Variants in TMPRSS15 observed in about 807,000 individuals in gnomAD.
The protein encoded by TMPRSS15 is transmembrane serine protease 15, also known as enteropeptidase.
Under a neutral mutation model 125.3 loss-of-function variants are expected in TMPRSS15, and 128 were observed. That is an observed-to-expected ratio of 1.02 (90% CI 0.89 to 1.18). TMPRSS15 has a LOEUF of 1.18. Among genes scored for constraint, TMPRSS15 ranks in the 50% most tolerant of loss-of-function variants. The pLI is 0.00. For missense variants in TMPRSS15, 1,283 were observed against 1,212.7 expected (o/e 1.06, Z -0.86); for synonymous variants, 446 against 423.2 (o/e 1.05, Z -0.66).
At chr21:18,367,581 G>C (rs1373095052) in intron 6 of TMPRSS15, among the ~76,000 whole-genome samples, 1 of 152,136 alleles carries the variant, frequency 6.6e-6, no homozygotes. Flanking sequence ...CTCAAAGATT[G>C]TAGACAGTGT....
At chr21:18,355,510 C>T (rs1427176642) in intron 8 of TMPRSS15, among the ~76,000 whole-genome samples, 4 of 151,760 alleles carry the variant, frequency 2.6e-5, no homozygotes, top group Non-Finnish European at 4.4e-5. Context: ...CTTAAAGTCT[C>T]CTTGCCTAAT....
chr21:18,348,765 A>T (rs538607927), intron 10 of TMPRSS15, among the ~76,000 whole-genome samples: 1 of 152,216 alleles, frequency 6.6e-6, no homozygotes, highest in Admixed American at 6.5e-5. Flanking sequence ...CCTCCCCAAC[A>T]TATGACTTAG....
At chr21:18,321,609 C>T (rs1300640686) in intron 16 of TMPRSS15, among the ~76,000 whole-genome samples, 1 of 152,114 alleles carries the variant, frequency 6.6e-6, no homozygotes, top group Non-Finnish European at 1.5e-5. Context: ...CCTTGGCCTC[C>T]CAAAGTGCTG....
chr21:18,276,436 A>G lies in TMPRSS15; in HGVS notation c.2765-1100T>C, dbSNP rs142152748. Among the ~76,000 whole-genome samples the G allele has an allele frequency of 1.3e-5, 2 of 152,376 alleles. No homozygotes were observed. The highest frequency in any genetic ancestry group is 2.9e-5 in the Non-Finnish European group (2 of 68,040). On this transcript the variant is annotated intron_variant, in intron 23 of 24. Coordinates refer to ENST00000284885, the MANE Select transcript of TMPRSS15 (RefSeq NM_002772.3). The stretch of plus-strand genomic sequence containing the variant: ...TCAAGTTTGACAATGGACTATAAGA[A>G]AATGAATTGCAGAGATTAAAATGGA...
chr21:18,277,013 G>A lies in TMPRSS15; in HGVS notation c.2765-1677C>T, dbSNP rs553931825. Among the ~76,000 whole-genome samples, 45 of 151,910 alleles carry A rather than the reference G, an allele frequency of 3.0e-4. 1 individual carries two copies. The highest frequency in any genetic ancestry group is 5.3e-4 in the Admixed American group (8 of 15,238). On this transcript the variant is annotated intron_variant, in intron 23 of 24. Coordinates refer to ENST00000284885, the MANE Select transcript of TMPRSS15 (RefSeq NM_002772.3). ...ACTCCTGACCTCAGGTGATCTGCCC[G>A]GCTCAGCCTCCCAAAGTGTTGGGTT...
intron 10 of TMPRSS15, 121 bp from the exon 11 acceptor site, chr21:18,344,181 A>G: frequency 2.4e-6 from 2 of 849,166 alleles, no homozygotes; most frequent in Non-Finnish European, 3.9e-6. Flanking sequence ...ATATATTTTA[A>G]TATAGTGGAC....
Position 18,343,671 on chromosome 21 carries a change from A to C in TMPRSS15, c.1278-15T>G. 2 of 1,612,200 alleles carry C rather than the reference A, an allele frequency of 1.2e-6. No homozygotes were observed. The highest frequency in any genetic ancestry group is 8.5e-7 in the Non-Finnish European group (1 of 1,178,684). ...ACATATGATACCTAGTTTGGAAAGA[A>C]GCAAAAATGTTTGGATTCCTACAAC... On this transcript the variant is annotated splice_polypyrimidine_tract_variant and intron_variant, in intron 11 of 24. Coordinates refer to ENST00000284885, the MANE Select transcript of TMPRSS15 (RefSeq NM_002772.3).
At chr21:18,305,180 G>A (rs11909148) in intron 18 of TMPRSS15, among the ~76,000 whole-genome samples, 107,830 of 139,016 alleles carry the variant, frequency 0.78, 41,925 homozygotes, top group African/African-American at 0.8. Flanking sequence ...TTGAATTTCC[G>A]TACTTTTTTT....
chr21:18,289,186 A>T (rs190716512), intron 21 of TMPRSS15, among the ~76,000 whole-genome samples: 4 of 152,290 alleles, frequency 2.6e-5, no homozygotes, highest in Non-Finnish European at 4.4e-5. Context: ...AAGTTTTATT[A>T]GTTATATCAG....
Position 18,305,183 on chromosome 21 carries a change from C to CTTTTTTTTT in TMPRSS15, c.2166-7363_2166-7355dup, listed in dbSNP as rs59103494. On this transcript the variant is annotated intron_variant, in intron 18 of 24. Coordinates refer to ENST00000284885, the MANE Select transcript of TMPRSS15 (RefSeq NM_002772.3). ...GGATTCCAGGATTTGAATTTCCGTA[C>CTTTTTTTTT]TTTTTTTTTTTTTTTTTTTTTTTGA... Among the ~76,000 whole-genome samples the CTTTTTTTTT allele has an allele frequency of 6.3e-4, 54 of 86,048 alleles. 2 individuals are homozygous for CTTTTTTTTT. Among genetic ancestry groups the CTTTTTTTTT allele is most frequent in the African/African-American group, 1.0e-3 (23 of 22,582 alleles). The allele number at this position is 86,048 out of a possible 152,430, so 56.5% of individuals were successfully genotyped here.
chr21:18,387,188 G>A (rs989123131), intron 3 of TMPRSS15, among the ~76,000 whole-genome samples: 1 of 152,056 alleles, frequency 6.6e-6, no homozygotes, highest in African/African-American at 2.4e-5. Flanking sequence ...AAGCTGTTTA[G>A]TTGTTTAGTA....
chr21:18,475,252 T>C (rs1978858252), intron 1 of TMPRSS15, among the ~76,000 whole-genome samples: 1 of 152,114 alleles, frequency 6.6e-6, no homozygotes. Flanking sequence ...AAAACTGATA[T>C]AAAGATTGAG....
At chr21:18,354,934 A>G (rs1293656637) in intron 8 of TMPRSS15, among the ~76,000 whole-genome samples, 2 of 151,794 alleles carry the variant, frequency 1.3e-5, no homozygotes, top group South Asian at 2.1e-4. Flanking sequence ...GAACTATTAG[A>G]TATCTTGTGA....
intron 7 of TMPRSS15, 42 bp downstream of exon 7, chr21:18,365,098 G>T (rs755135369): frequency 3.9e-6 from 6 of 1,530,598 alleles, no homozygotes; most frequent in Non-Finnish European, 5.4e-6. Flanking sequence ...TCAGAAAAAC[G>T]CTTTATGACT....
chr21:18,365,283 C>G, intron 6 of TMPRSS15, 35 bp from the exon 7 acceptor site: 3 of 1,532,554 alleles, frequency 2.0e-6, no homozygotes, highest in Non-Finnish European at 2.7e-6. Context: ...TAGACAAAAA[C>G]AATCTTGGGA....
intron 8 of TMPRSS15, among the ~76,000 whole-genome samples, chr21:18,358,346 A>G (rs2075645738): frequency 1.3e-5 from 2 of 151,904 alleles, no homozygotes; most frequent in Non-Finnish European, 2.9e-5. Flanking sequence ...AAGTGCTGAC[A>G]ACACTCCTTT....
intron 18 of TMPRSS15, 88 bp downstream of exon 18, chr21:18,312,857 T>C: frequency 1.3e-6 from 2 of 1,518,550 alleles, no homozygotes; most frequent in Non-Finnish European, 1.8e-6. Context: ...CATAACTTTA[T>C]AAATTTTAAA....
rs960333879 is a variant in TMPRSS15 at position 18,297,980 on chromosome 21, G to A, written c.2166-151C>T. The A allele has an allele frequency of 8.2e-6, 5 of 612,558 alleles. No individual in the cohort carries two copies. In the Admixed American group the frequency reaches 1.4e-4, roughly 17 times the overall value. 37.9% of individuals were successfully genotyped at this position (612,558 alleles called of 1,614,324 possible). A position where few individuals can be genotyped will look rare whatever the true frequency, so the allele number is the denominator to read the frequency against. On this transcript the variant is annotated intron_variant, in intron 18 of 24. Transcript: ENST00000284885. The stretch of plus-strand genomic sequence containing the variant: ...AACGTTTTAATATAAAACTTCATGT[G>A]TTTTCCTATCTAAAGGATGATGCAA...
chr21:18,286,145 C>T (rs573278895), intron 21 of TMPRSS15, among the ~76,000 whole-genome samples: 1 of 152,252 alleles, frequency 6.6e-6, no homozygotes, highest in Non-Finnish European at 1.5e-5. Context: ...TCACCATGCA[C>T]TTGTGATTTT....
Sources: allele counts gnomAD v4.1 joint callset (sites outside exome capture counted in the v4.1 genomes callset), GRCh38; gene constraint gnomAD v4.1.1; transcripts MANE v1.5; gene names NCBI Gene and HGNC (gene_info 2026-07-23, HGNC 2026-07-21).